The following PPP4R3A variants were observed in gnomAD, a reference collection of about 807,000 sequenced individuals.
PPP4R3A encodes serine/threonine-protein phosphatase 4 regulatory subunit 3A.
PPP4R3A carries 15 observed loss-of-function variants against 91.7 expected under a neutral mutation model. That is an observed-to-expected ratio of 0.16 (90% CI 0.11 to 0.25). The LOEUF is 0.25. Among genes scored for constraint, PPP4R3A ranks in the 10% least tolerant of loss-of-function variants. The probability of loss-of-function intolerance (pLI) is 1.00; values close to 1 mark genes in which losing one functional copy is unlikely to be tolerated. For synonymous variants in PPP4R3A, 377 were observed against 348.7 expected, an observed-to-expected ratio of 1.08 and a Z score of -0.91; for missense variants, 623 against 998.4, an observed-to-expected ratio of 0.62 and a Z score of 5.07.
In PPP4R3A at chr14:91,461,916, C is replaced by T; in HGVS notation, c.2164+133G>A. The T allele has an allele frequency of 4.5e-6, 6 of 1,348,188 alleles. No individual in the cohort carries two copies. In the South Asian group the frequency reaches 1.0e-4, roughly 23 times the overall value. 83.5% of individuals were successfully genotyped at this position (1,348,188 alleles called of 1,614,324 possible). On this transcript the variant is annotated intron_variant, in intron 13 of 14. Coordinates refer to ENST00000554943, the MANE Select transcript of PPP4R3A (RefSeq NM_001366432.2). ...ACACAACACTGCTATTCAGTCACAT[C>T]CCATAAAGCAATAGAGTCTTTAAAC...
At chr14:91,508,150 G>A (rs1216040491) in intron 1 of PPP4R3A, among the ~76,000 whole-genome samples, 2 of 152,200 alleles carry the variant, frequency 1.3e-5, no homozygotes, top group Non-Finnish European at 2.9e-5. Context: ...ATTTTAAGAA[G>A]CCAATAACTC....
intron 1 of PPP4R3A, among the ~76,000 whole-genome samples, chr14:91,497,947 T>A (rs1018927847): frequency 6.6e-6 from 1 of 152,086 alleles, no homozygotes; most frequent in Non-Finnish European, 1.5e-5. Flanking sequence ...CCACCATTAA[T>A]TCTCTCAGAG....
chr14:91,464,136 A>G (rs1394801298), intron 11 of PPP4R3A, among the ~76,000 whole-genome samples: 1 of 152,220 alleles, frequency 6.6e-6, no homozygotes, highest in East Asian at 1.9e-4. Context: ...CTGCCTGGCC[A>G]ATAGTGAGAC....
In PPP4R3A at chr14:91,507,389, GTATATGTACTATAAT is replaced by G. The variant is rs1454065481; in HGVS notation, c.142+2102_142+2116del. Among the ~76,000 whole-genome samples the G allele has an allele frequency of 2.6e-3, 249 of 95,396 alleles. 8 individuals carry two copies. The highest frequency in any genetic ancestry group is 5.7e-3 in the African/African-American group (139 of 24,248). 62.6% of individuals were successfully genotyped at this position (95,396 alleles called of 152,430 possible). ...ATACTATAATTATATATACTATATA[GTATATGTACTATAAT>G]TATATATACTATATAATATATATAC... On this transcript the variant is annotated intron_variant, in intron 1 of 14. Coordinates refer to ENST00000554943, the MANE Select transcript of PPP4R3A (RefSeq NM_001366432.2).
At position 91,462,227 on chromosome 14, in the gene PPP4R3A, A is replaced by C. The variant is rs918863379; in HGVS notation, c.1986T>G (p.Ile662Met). Residue 662 changes from isoleucine to methionine, a missense_variant, in exon 13 of 15, where the codon ATT (isoleucine) becomes ATG (methionine). Physicochemically the swap from Ile to Met is conservative, Grantham distance 10. Around this residue, in one of 5 missense-constraint regions of PPP4R3A, gnomAD observed 201 missense variants for 229.9 expected, o/e 0.87. Coordinates refer to ENST00000554943, the MANE Select transcript of PPP4R3A (RefSeq NM_001366432.2). ...CTCTTCGATATCTGTGATTCCTCAAAATGGAACGCATACTATGAGTAGGGA... is the reference window on the plus strand; with the variant it reads ...CTCTTCGATATCTGTGATTCCTCAACATGGAACGCATACTATGAGTAGGGA... ...DNPKLDSMRS[I>M]LRNHRYRRDA... 1 of 1,590,950 alleles carries C rather than the reference A, an allele frequency of 6.3e-7. No homozygotes were observed. The highest frequency in any genetic ancestry group is 1.8e-5 in the Admixed American group (1 of 54,496).
intron 2 of PPP4R3A, among the ~76,000 whole-genome samples, chr14:91,489,120 G>A (rs1298802595): frequency 6.6e-6 from 1 of 151,968 alleles, no homozygotes; most frequent in Non-Finnish European, 1.5e-5. Flanking sequence ...TGTTAGCCAG[G>A]ATGGTCTCGA....
intron 1 of PPP4R3A, among the ~76,000 whole-genome samples, chr14:91,501,143 A>G (rs1394269545): frequency 1.3e-5 from 2 of 152,228 alleles, no homozygotes; most frequent in African/African-American, 4.8e-5. Context: ...AAGAAACGAG[A>G]TAGTATAGAG....
Position 91,458,807 on chromosome 14 carries a change from A to G in PPP4R3A, c.2454T>C (p.Asp818=), listed in dbSNP as rs755996783. ...DDDEDDDEDE[D]KEDTLPLSKK... Reference sequence around the variant, plus strand: ...TTGACAATGGTAACGTATCTTCCTTATCTTCATCCTCATCATCATCTTCAT... The same window carrying G: ...TTGACAATGGTAACGTATCTTCCTTGTCTTCATCCTCATCATCATCTTCAT... Residue 818 remains aspartate (D), a synonymous_variant, in exon 15 of 15, where the codon GAT becomes GAC. Transcript: ENST00000554943. 10 of 1,613,812 alleles carry G rather than the reference A, an allele frequency of 6.2e-6. No homozygotes were observed. Among genetic ancestry groups the G allele is most frequent in the African/African-American group, 1.3e-5 (1 of 74,862 alleles).
At chr14:91,477,428 A>G (rs1889278807) in intron 4 of PPP4R3A, among the ~76,000 whole-genome samples, 1 of 152,210 alleles carries the variant, frequency 6.6e-6, no homozygotes, top group Non-Finnish European at 1.5e-5. Context: ...AACCTCTCAA[A>G]TGAGAATGAA....
At chr14:91,485,875 A>C in intron 2 of PPP4R3A, 145 bp from the exon 3 acceptor site, 1 of 517,856 alleles carries the variant, frequency 1.9e-6, no homozygotes, top group Non-Finnish European at 3.4e-6. Flanking sequence ...TTTTCAAAAC[A>C]ATGACTTTTT....
chr14:91,482,791 G>A (rs1889649635), intron 3 of PPP4R3A, among the ~76,000 whole-genome samples: 1 of 152,196 alleles, frequency 6.6e-6, no homozygotes, highest in African/African-American at 2.4e-5. Flanking sequence ...GGACCAAAGT[G>A]AGTCACTGAT....
chr14:91,507,444 C>T (rs1891423635), intron 1 of PPP4R3A, among the ~76,000 whole-genome samples: 1 of 131,978 alleles, frequency 7.6e-6, no homozygotes, highest in South Asian at 2.2e-4. Flanking sequence ...ATTATATATA[C>T]TATATAGTAT....
intron 1 of PPP4R3A, among the ~76,000 whole-genome samples, chr14:91,500,394 T>C (rs933972944): frequency 6.6e-6 from 1 of 151,926 alleles, no homozygotes; most frequent in African/African-American, 2.4e-5. Flanking sequence ...AGAGACGGGG[T>C]TTCACCATAT....
chr14:91,469,219 T>C (rs1325608992), intron 10 of PPP4R3A, among the ~76,000 whole-genome samples: 1 of 151,702 alleles, frequency 6.6e-6, no homozygotes, highest in Non-Finnish European at 1.5e-5. Context: ...TAGGCATAAA[T>C]GGGTTAATTG....
At chr14:91,483,922 T>C (rs989695829) in intron 3 of PPP4R3A, among the ~76,000 whole-genome samples, 7 of 152,064 alleles carry the variant, frequency 4.6e-5, no homozygotes, top group Non-Finnish European at 8.8e-5. Flanking sequence ...ACAAAGTGAG[T>C]TCAGGTTTGA....
chr14:91,481,388 C>T lies in PPP4R3A; in HGVS notation c.915+188G>A, dbSNP rs186085749. Among the ~76,000 whole-genome samples, 501 of 152,264 alleles carry T rather than the reference C, an allele frequency of 3.3e-3. 1 individual carries two copies. The highest frequency in any genetic ancestry group is 3.9e-3 in the Non-Finnish European group (266 of 68,018). ...CTTCAAACTACATTTGTCACACTTACCTCTCCTACCCCAGATAGAGTAACC... is the reference window on the plus strand; with the variant it reads ...CTTCAAACTACATTTGTCACACTTATCTCTCCTACCCCAGATAGAGTAACC... On this transcript the variant is annotated intron_variant, in intron 4 of 14. Transcript: ENST00000554943.
intron 1 of PPP4R3A, among the ~76,000 whole-genome samples, chr14:91,497,196 T>C (rs904930874): frequency 2.6e-5 from 4 of 152,110 alleles, no homozygotes; most frequent in African/African-American, 9.7e-5. Flanking sequence ...GAGCAACATG[T>C]TTCTGATAAC....
intron 9 of PPP4R3A, among the ~76,000 whole-genome samples, chr14:91,472,065 C>CA (rs549919322): frequency 0.082 from 5,692 of 69,392 alleles, 376 homozygotes; most frequent in African/African-American, 0.22. Flanking sequence ...ATTCTGTCTC[C>CA]AAAAAAAAAA....
chr14:91,490,328 T>C (rs767361116), intron 2 of PPP4R3A, among the ~76,000 whole-genome samples: 2 of 152,190 alleles, frequency 1.3e-5, no homozygotes, highest in Non-Finnish European at 2.9e-5. Flanking sequence ...TATTCAGGAA[T>C]CTGTAAAAGA....
Sources: allele counts gnomAD v4.1 joint callset (sites outside exome capture counted in the v4.1 genomes callset), GRCh38; gene constraint gnomAD v4.1.1; regional missense constraint gnomAD v4.1.1; transcripts MANE v1.5; gene names NCBI Gene and HGNC (gene_info 2026-07-23, HGNC 2026-07-21).